The following TAFA2 variants were observed in gnomAD, a reference collection of about 807,000 sequenced individuals.
TAFA2 encodes the protein chemokine-like protein TAFA-2.
In TAFA2, 7 loss-of-function variants were observed where a neutral mutation model predicts 18.8. The observed-to-expected ratio is 0.37, with a 90% CI of 0.21 to 0.70. The LOEUF is 0.70. Ranked by LOEUF, TAFA2 falls within the 30% of genes least tolerant of loss-of-function variation. The pLI, the probability that TAFA2 is intolerant of heterozygous loss-of-function variation, is 0.53. For synonymous variants in TAFA2, 60 were observed against 54.2 expected (o/e 1.11, Z -0.47); for missense variants, 122 against 158.1 (o/e 0.77, Z 1.23).
chr12:62,228,597 T>C (rs1044213343), intron 1 of TAFA2, among the ~76,000 whole-genome samples: 6 of 152,216 alleles, frequency 3.9e-5, no homozygotes, highest in African/African-American at 1.4e-4. Flanking sequence ...TATAAGATAG[T>C]ATCTCACTGT....
intron 1 of TAFA2, among the ~76,000 whole-genome samples, chr12:61,982,166 C>T (rs1231864136): frequency 6.6e-6 from 1 of 152,144 alleles, no homozygotes; most frequent in East Asian, 1.9e-4. Flanking sequence ...TGGAAACCAT[C>T]ATTCTCAGCA....
At chr12:62,182,753 C>T (rs1484943010) in intron 1 of TAFA2, among the ~76,000 whole-genome samples, 1 of 152,220 alleles carries the variant, frequency 6.6e-6, no homozygotes, top group East Asian at 1.9e-4. Context: ...AATCAATCCA[C>T]TGCATTACAT....
chr12:61,711,418 A>C (rs1023557541), intron 4 of TAFA2, among the ~76,000 whole-genome samples: 1 of 152,076 alleles, frequency 6.6e-6, no homozygotes, highest in African/African-American at 2.4e-5. Flanking sequence ...GGGTATTTAG[A>C]GAGTTACCTA....
chr12:62,234,740 C>T, intron 1 of TAFA2: 2 of 1,112,388 alleles, frequency 1.8e-6, no homozygotes, highest in Non-Finnish European at 2.8e-6. Flanking sequence ...CAGTCCTTTC[C>T]TGAGGCCTGG....
chr12:61,750,470 C>A (rs1013158905), intron 4 of TAFA2, among the ~76,000 whole-genome samples: 1 of 152,104 alleles, frequency 6.6e-6, no homozygotes, highest in Non-Finnish European at 1.5e-5. Context: ...TTTACCTTTT[C>A]CCCCTGTTAG....
intron 1 of TAFA2, among the ~76,000 whole-genome samples, chr12:62,097,869 T>C (rs905146228): frequency 2.6e-5 from 4 of 152,144 alleles, no homozygotes; most frequent in African/African-American, 9.7e-5. Flanking sequence ...CCAGCTTTTC[T>C]CAGCTGTGTT....
chr12:61,861,064 C>T (rs776723957), intron 2 of TAFA2, among the ~76,000 whole-genome samples: 2 of 151,964 alleles, frequency 1.3e-5, no homozygotes, highest in African/African-American at 2.4e-5. Context: ...CATTCTTCCA[C>T]CTCAACCTCT....
At chr12:62,164,133 T>G (rs893121848) in intron 1 of TAFA2, among the ~76,000 whole-genome samples, 1 of 152,110 alleles carries the variant, frequency 6.6e-6, no homozygotes, top group Non-Finnish European at 1.5e-5. Context: ...AAAGAACATC[T>G]GTGCTTATGC....
intron 1 of TAFA2, among the ~76,000 whole-genome samples, chr12:61,888,492 A>G (rs1800236631): frequency 6.6e-6 from 1 of 152,208 alleles, no homozygotes; most frequent in South Asian, 2.1e-4. Context: ...ACCAGAAGGA[A>G]GCAATCACAG....
intron 1 of TAFA2, among the ~76,000 whole-genome samples, chr12:61,925,126 C>T (rs1333308816): frequency 6.6e-6 from 1 of 152,218 alleles, no homozygotes; most frequent in South Asian, 2.1e-4. Context: ...GAATCCCACA[C>T]AATAATAGTG....
At chr12:62,070,336 CAT>C (rs991994898) in intron 1 of TAFA2, 3 of 152,146 alleles carry the variant, frequency 2.0e-5, no homozygotes, top group African/African-American at 7.2e-5. Context: ...CTACAAAGCT[CAT>C]GAGACACATA....
intron 2 of TAFA2, among the ~76,000 whole-genome samples, chr12:61,767,061 G>A (rs991398386): frequency 1.3e-5 from 2 of 151,962 alleles, no homozygotes; most frequent in African/African-American, 4.8e-5. Flanking sequence ...ATGATGGTAG[G>A]GCATTTAATA....
chr12:61,741,273 TGTGTGTGTGTGA>T (rs1276658788), intron 4 of TAFA2, among the ~76,000 whole-genome samples: 1 of 151,046 alleles, frequency 6.6e-6, no homozygotes, highest in Non-Finnish European at 1.5e-5. Flanking sequence ...CTCTGCTCTG[TGTGTGTGTGTGA>T]GTGTGTGTGT....
At position 62,038,115 on chromosome 12, in the gene TAFA2, AGAT is replaced by A. The variant is rs1397039369; in HGVS notation, c.-2+153141_-2+153143del. Among the ~76,000 whole-genome samples, 5 of 152,160 alleles carry A rather than the reference AGAT, an allele frequency of 3.3e-5. No homozygotes were observed. The East Asian group carries it at 9.6e-4, about 29-fold the overall frequency. On this transcript the variant is annotated intron_variant, in intron 1 of 4. Coordinates refer to ENST00000416284, the MANE Select transcript of TAFA2 (RefSeq NM_178539.5). ...GCGGCAGGGTGGAGAGGAAATGGGG[AGAT>A]GTAGGTCAAAACAGACAAAGTAGCA...
At chr12:61,795,226 C>A (rs1195255306) in intron 2 of TAFA2, among the ~76,000 whole-genome samples, 1 of 152,150 alleles carries the variant, frequency 6.6e-6, no homozygotes, top group Non-Finnish European at 1.5e-5. Flanking sequence ...CATCCCATTA[C>A]TGGGTATATA....
chr12:61,937,727 C>A lies in TAFA2; in HGVS notation c.-1-70301G>T, dbSNP rs576924889. On this transcript the variant is annotated intron_variant, in intron 1 of 4. Transcript: ENST00000416284. ...TCTAAAAGAAAACTTAGAAAAAATT[C>A]TTCTGGACGTTGGCCTAAGCAAATA... Among the ~76,000 whole-genome samples, 8 of 152,234 alleles carry A rather than the reference C, an allele frequency of 5.3e-5. 1 individual carries two copies. The South Asian group carries it at 1.7e-3, about 32-fold the overall frequency.
rs542378331 is a variant in TAFA2 at position 61,927,878 on chromosome 12, T to C, written c.-1-60452A>G. On this transcript the variant is annotated intron_variant, in intron 1 of 4. Coordinates refer to ENST00000416284, the MANE Select transcript of TAFA2 (RefSeq NM_178539.5). ...ACCACACATCTACAACCATCTGACC[T>C]TTGACAAACCTGACAAAAACAAGCA... 1.2e-3 allele frequency among the ~76,000 whole-genome samples: 177 copies of C among 152,274 alleles called. 2 individuals carry two copies. The highest frequency in any genetic ancestry group is 4.0e-3 in the African/African-American group (167 of 41,566).
intron 1 of TAFA2, among the ~76,000 whole-genome samples, chr12:61,952,104 G>A (rs972637414): frequency 3.3e-5 from 5 of 151,908 alleles, no homozygotes; most frequent in Admixed American, 3.3e-4. Flanking sequence ...CTTTATTTAT[G>A]TGTGTGCACA....
At chr12:61,766,357 A>G (rs1271790068) in intron 2 of TAFA2, among the ~76,000 whole-genome samples, 1 of 152,122 alleles carries the variant, frequency 6.6e-6, no homozygotes, top group Admixed American at 6.6e-5. Context: ...GAAGGCACAT[A>G]AACTATTATC....
Sources: gnomAD v4.1 joint callset for allele counts (sites outside exome capture counted in the v4.1 genomes callset) on GRCh38, gnomAD v4.1.1 for gene constraint, MANE v1.5 for transcripts, NCBI Gene and HGNC (gene_info 2026-07-23, HGNC 2026-07-21) for gene names.